The following CPLANE1 variants were observed in gnomAD, a reference collection of about 807,000 sequenced individuals.
CPLANE1 encodes the protein ciliogenesis and planar polarity effector complex subunit 1.
Under a neutral mutation model 362.5 loss-of-function variants are expected in CPLANE1, and 263 were observed. The observed-to-expected ratio is 0.73, with a 90% CI of 0.66 to 0.80. CPLANE1 has a LOEUF of 0.80. Ranked by LOEUF, CPLANE1 falls within the 30% of genes least tolerant of loss-of-function variation. The pLI, the probability that CPLANE1 is intolerant of heterozygous loss-of-function variation, is 0.00. For synonymous variants in CPLANE1, 1,212 were observed against 1,302.6 expected, an observed-to-expected ratio of 0.93 and a Z score of 1.50; for missense variants, 3,461 against 3,793.4, an observed-to-expected ratio of 0.91 and a Z score of 2.30.
rs757814360 is a variant in CPLANE1 at position 37,187,798 on chromosome 5, G to A, written c.3856C>T (p.Arg1286Cys). The A allele has an allele frequency of 3.1e-6, 5 of 1,613,562 alleles. No homozygotes were observed. Among genetic ancestry groups the A allele is most frequent in the Non-Finnish European group, 2.5e-6 (3 of 1,179,830 alleles). Residue 1286 changes from arginine to cysteine, a missense_variant, in exon 22 of 53, where the codon CGT becomes TGT. This residue lies in a region of CPLANE1 where 3,380 missense variants were observed against 3,666.1 expected (regional missense o/e 0.92). Coordinates refer to ENST00000651892, the MANE Select transcript of CPLANE1 (RefSeq NM_001384732.1). ...CTGCAACTATAGGATAACTTATCACGGACATGCAGCATCCAACACAGAGCA... is the reference window on the plus strand; with the variant it reads ...CTGCAACTATAGGATAACTTATCACAGACATGCAGCATCCAACACAGAGCA... ...LCALCWMLHVRDKLSYSCRQY... is the reference protein window; with the variant it reads ...LCALCWMLHVCDKLSYSCRQY...
At chr5:37,237,159 A>G (rs903898693) in intron 8 of CPLANE1, among the ~76,000 whole-genome samples, 7 of 152,242 alleles carry the variant, frequency 4.6e-5, no homozygotes, top group African/African-American at 1.7e-4. Context: ...TCACATCACT[A>G]TTCACAATAG....
intron 27 of CPLANE1, among the ~76,000 whole-genome samples, 189 bp downstream of exon 27, chr5:37,180,668 C>A (rs1336765183): frequency 6.6e-6 from 1 of 152,118 alleles, no homozygotes; most frequent in African/African-American, 2.4e-5. Flanking sequence ...AAGATATAAG[C>A]TAGACCAAGA....
intron 49 of CPLANE1, 97 bp downstream of exon 49, chr5:37,121,520 A>G (rs1762620879): frequency 9.4e-7 from 1 of 1,065,744 alleles, no homozygotes; most frequent in Non-Finnish European, 1.4e-6. Context: ...AAGCAGGGTA[A>G]ATGCAAATGC....
intron 41 of CPLANE1, among the ~76,000 whole-genome samples, chr5:37,155,106 AT>A (rs1354736166): frequency 1.3e-5 from 2 of 152,154 alleles, no homozygotes; most frequent in Admixed American, 6.6e-5. Context: ...TGATATCCCT[AT>A]CTGTAATTTA....
chr5:37,118,144 C>T (rs982925681), intron 50 of CPLANE1, among the ~76,000 whole-genome samples: 4 of 152,024 alleles, frequency 2.6e-5, no homozygotes, highest in South Asian at 2.1e-4. Context: ...CCTGTAATCC[C>T]GGCACTTTGG....
intron 8 of CPLANE1, among the ~76,000 whole-genome samples, chr5:37,238,464 T>G (rs112674818): frequency 0.041 from 6,142 of 148,974 alleles, 449 homozygotes; most frequent in African/African-American, 0.15. Flanking sequence ...ATTACAGGCG[T>G]GAGCCACAGC....
intron 32 of CPLANE1, 37 bp from the exon 33 acceptor site, chr5:37,170,368 T>C (rs1779442102): frequency 1.9e-6 from 3 of 1,564,718 alleles, no homozygotes; most frequent in Non-Finnish European, 1.7e-6. Context: ...TATCTTAAAA[T>C]ATAACAAAAA....
intron 46 of CPLANE1, among the ~76,000 whole-genome samples, chr5:37,133,386 T>C (rs1766570915): frequency 6.6e-6 from 1 of 152,144 alleles, no homozygotes; most frequent in East Asian, 1.9e-4. Flanking sequence ...TTTAAGGATA[T>C]TGATTCTTCT....
chr5:37,195,368 A>G (rs1056944520), intron 21 of CPLANE1, among the ~76,000 whole-genome samples: 1 of 152,196 alleles, frequency 6.6e-6, no homozygotes, highest in African/African-American at 2.4e-5. Context: ...TGGGAGGCCA[A>G]GGCAGGTAGA....
chr5:37,169,639 T>A, intron 33 of CPLANE1, 78 bp from the exon 34 acceptor site: 1 of 1,274,184 alleles, frequency 7.8e-7, no homozygotes, highest in Non-Finnish European at 1.1e-6. Flanking sequence ...TTCAGTATGT[T>A]TTGCAGTGGG....
chr5:37,110,700 T>C (rs1758928073), intron 51 of CPLANE1, among the ~76,000 whole-genome samples: 1 of 152,170 alleles, frequency 6.6e-6, no homozygotes, highest in Non-Finnish European at 1.5e-5. Flanking sequence ...GAAACCATTA[T>C]TATCCCCATT....
At chr5:37,206,476 G>C in intron 16 of CPLANE1, 51 bp from the exon 17 acceptor site, 1 of 1,181,680 alleles carries the variant, frequency 8.5e-7, no homozygotes, top group Non-Finnish European at 1.2e-6. Context: ...CCAAACTCAT[G>C]CTTCTTTACA....
Position 37,224,744 on chromosome 5 carries a change from C to T in CPLANE1, c.2292-4G>A, listed in dbSNP as rs1482390190. 3 of 1,537,416 alleles carry T rather than the reference C, an allele frequency of 2.0e-6. No individual in the cohort carries two copies. The highest frequency in any genetic ancestry group is 2.8e-5 in the African/African-American group (2 of 72,522). On this transcript the variant is annotated splice_region_variant and splice_polypyrimidine_tract_variant and intron_variant, in intron 12 of 52. Transcript: ENST00000651892. The stretch of plus-strand genomic sequence containing the variant: ...TATTCTCCAGAGAATAAGCAATCTG[C>T]ACATAAAATCAGGTAATTATCAAAA...
chr5:37,093,836 C>A, the CPLANE1 span, among the ~76,000 whole-genome samples: 1 of 152,162 alleles, frequency 6.6e-6, no homozygotes, highest in African/African-American at 2.4e-5. Flanking sequence ...AGGCCAAAAG[C>A]TTTTTGCAAA....
intron 16 of CPLANE1, chr5:37,211,944 C>T: frequency 1.2e-6 from 1 of 816,604 alleles, no homozygotes; most frequent in Non-Finnish European, 2.2e-6. Flanking sequence ...AGCTGCTGTG[C>T]CCCTCTCATA....
chr5:37,160,671 CTTTT>C (rs1328332570), intron 38 of CPLANE1, among the ~76,000 whole-genome samples: 3 of 138,554 alleles, frequency 2.2e-5, no homozygotes, highest in Admixed American at 7.2e-5. Context: ...AAAATAATGA[CTTTT>C]TTTTTTTTTT....
intron 15 of CPLANE1, among the ~76,000 whole-genome samples, chr5:37,214,555 C>T (rs369621228): frequency 6.6e-6 from 1 of 152,186 alleles, no homozygotes; most frequent in Non-Finnish European, 1.5e-5. Context: ...GAAATGTAAA[C>T]ACACATAAAG....
At chr5:37,238,487 CTTTTTTTTTT>C (rs869153501) in intron 8 of CPLANE1, among the ~76,000 whole-genome samples, 47 of 80,648 alleles carry the variant, frequency 5.8e-4, no homozygotes, top group Middle Eastern at 9.8e-3. Flanking sequence ...CCAGCCTTTT[CTTTTTTTTTT>C]TTTTTTTTTT....
chr5:37,098,538 C>T, the CPLANE1 span, among the ~76,000 whole-genome samples: 16 of 152,020 alleles, frequency 1.1e-4, no homozygotes, highest in African/African-American at 3.1e-4. Context: ...CAGACCACTC[C>T]ATCTAACAGC....
Sources: allele counts gnomAD v4.1 joint callset (sites outside exome capture counted in the v4.1 genomes callset), GRCh38; gene constraint gnomAD v4.1.1; regional missense constraint gnomAD v4.1.1; transcripts MANE v1.5; gene names NCBI Gene and HGNC (gene_info 2026-07-23, HGNC 2026-07-21).